The following CPA6 variants were observed in gnomAD, a reference collection of about 807,000 sequenced individuals.
CPA6 encodes carboxypeptidase B.
In CPA6, 58 loss-of-function variants were observed where a neutral mutation model predicts 63.3. The ratio of observed to expected loss-of-function variants is 0.92; its 90% CI spans 0.74 to 1.14. The LOEUF is 1.14. CPA6 is among the 50% of genes most tolerant of loss of function. The pLI is 0.00. For missense variants in CPA6, 565 were observed against 526.6 expected (o/e 1.07, Z -0.71); for synonymous variants, 185 against 179.0 (o/e 1.03, Z -0.27).
At chr8:67,591,426 G>C (rs987396736) in intron 2 of CPA6, among the ~76,000 whole-genome samples, 1 of 152,200 alleles carries the variant, frequency 6.6e-6, no homozygotes, top group Admixed American at 6.5e-5. Flanking sequence ...TGTGAAGACA[G>C]TCATTGGTAG....
intron 1 of CPA6, among the ~76,000 whole-genome samples, chr8:67,745,084 C>G (rs570731435): frequency 6.6e-5 from 10 of 152,134 alleles, no homozygotes; most frequent in African/African-American, 2.4e-4. Context: ...ACACTGTACA[C>G]TACCTTGTCA....
chr8:67,673,388 A>ATATT (rs1240851771), intron 1 of CPA6, among the ~76,000 whole-genome samples: 9 of 134,004 alleles, frequency 6.7e-5, no homozygotes, highest in African/African-American at 2.5e-4. Flanking sequence ...TTATTTATTT[A>ATATT]TTTTTTTTTT....
intron 2 of CPA6, among the ~76,000 whole-genome samples, chr8:67,560,369 T>G (rs1319517087): frequency 1.3e-5 from 2 of 152,094 alleles, no homozygotes; most frequent in Admixed American, 1.3e-4. Context: ...CTTCTCAAAC[T>G]TCCTATCCTT....
intron 1 of CPA6, among the ~76,000 whole-genome samples, chr8:67,694,888 G>A (rs1382493773): frequency 6.6e-6 from 1 of 152,144 alleles, no homozygotes; most frequent in Non-Finnish European, 1.5e-5. Flanking sequence ...ATGTCCAGAC[G>A]TGTGATTATA....
chr8:67,545,842 C>A (rs560889078), intron 2 of CPA6, among the ~76,000 whole-genome samples: 3 of 152,214 alleles, frequency 2.0e-5, no homozygotes, highest in Non-Finnish European at 4.4e-5. Context: ...GGATTACAGG[C>A]GTGAACTACC....
At chr8:67,605,910 A>G (rs1447460096) in intron 2 of CPA6, among the ~76,000 whole-genome samples, 2 of 152,098 alleles carry the variant, frequency 1.3e-5, no homozygotes, top group African/African-American at 4.8e-5. Context: ...AAGGAGGGTT[A>G]CAAAGCCTTG....
At chr8:67,486,507 G>A (rs1042784940) in intron 6 of CPA6, among the ~76,000 whole-genome samples, 3 of 152,238 alleles carry the variant, frequency 2.0e-5, no homozygotes, top group South Asian at 2.1e-4. Flanking sequence ...TGATGAAATC[G>A]CTTAATGACA....
chr8:67,673,864 C>T (rs1816410282), intron 1 of CPA6, among the ~76,000 whole-genome samples: 1 of 152,140 alleles, frequency 6.6e-6, no homozygotes, highest in Non-Finnish European at 1.5e-5. Context: ...AAACAAATGG[C>T]TTCTCCTTCA....
chr8:67,482,255 G>A (rs924991487), intron 8 of CPA6, among the ~76,000 whole-genome samples: 1 of 152,232 alleles, frequency 6.6e-6, no homozygotes, highest in Non-Finnish European at 1.5e-5. Context: ...GCAGATGCCT[G>A]TAGGCATGTA....
chr8:67,537,373 C>G (rs1176750453), intron 2 of CPA6, among the ~76,000 whole-genome samples: 1 of 152,146 alleles, frequency 6.6e-6, no homozygotes, highest in Non-Finnish European at 1.5e-5. Context: ...AATTTCAGAA[C>G]TTGTTATTGG....
chr8:67,648,612 C>T (rs143740166), intron 1 of CPA6, among the ~76,000 whole-genome samples: 1,846 of 152,216 alleles, frequency 0.012, 20 homozygotes, highest in South Asian at 0.021. Flanking sequence ...TCTGCCACAT[C>T]GGTGAGAAAA....
At chr8:67,627,993 G>C (rs1024344629) in intron 1 of CPA6, among the ~76,000 whole-genome samples, 1 of 152,096 alleles carries the variant, frequency 6.6e-6, no homozygotes, top group African/African-American at 2.4e-5. Flanking sequence ...TTCTTCACTG[G>C]AGGAGTGAGG....
chr8:67,727,609 C>A (rs1271724944), intron 1 of CPA6, among the ~76,000 whole-genome samples: 1 of 152,182 alleles, frequency 6.6e-6, no homozygotes, highest in Non-Finnish European at 1.5e-5. Context: ...AAGTCTTTCT[C>A]ATCATGCCCA....
At chr8:67,501,984 T>C (rs192016784) in intron 6 of CPA6, among the ~76,000 whole-genome samples, 1 of 152,366 alleles carries the variant, frequency 6.6e-6, no homozygotes, top group East Asian at 1.9e-4. Context: ...GTTGTTCAAC[T>C]AATTGGTTCA....
At chr8:67,706,220 C>T (rs1817132176) in intron 1 of CPA6, among the ~76,000 whole-genome samples, 3 of 152,278 alleles carry the variant, frequency 2.0e-5, no homozygotes, top group Admixed American at 6.5e-5. Context: ...TGCTTTAAAG[C>T]CATTAAATTC....
intron 2 of CPA6, among the ~76,000 whole-genome samples, chr8:67,608,394 C>T (rs898401427): frequency 9.2e-5 from 14 of 152,240 alleles, no homozygotes; most frequent in Admixed American, 2.0e-4. Flanking sequence ...GAGAGGAGTT[C>T]GACTGGGGAA....
At chr8:67,671,843 G>GT (rs1816353933) in intron 1 of CPA6, among the ~76,000 whole-genome samples, 1 of 152,074 alleles carries the variant, frequency 6.6e-6, no homozygotes, top group Non-Finnish European at 1.5e-5. Context: ...TGTATTTTAT[G>GT]TTTTTTAGAA....
At chr8:67,434,379 T>C in intron 8 of CPA6, 139 bp from the exon 9 acceptor site, 1 of 747,722 alleles carries the variant, frequency 1.3e-6, no homozygotes, top group Non-Finnish European at 2.2e-6. Context: ...TAACTTCTCA[T>C]TTATGGAAAT....
chr8:67,728,225 A>G (rs1212266734), intron 1 of CPA6, among the ~76,000 whole-genome samples: 1 of 152,140 alleles, frequency 6.6e-6, no homozygotes, highest in African/African-American at 2.4e-5. Context: ...ACCCCTTGAC[A>G]TTTCCTACAC....
Sources: allele counts gnomAD v4.1 joint callset (sites outside exome capture counted in the v4.1 genomes callset), GRCh38; gene constraint gnomAD v4.1.1; transcripts MANE v1.5; gene names NCBI Gene and HGNC (gene_info 2026-07-23, HGNC 2026-07-21).